Variants in MYO1H observed in about 807,000 individuals in gnomAD.
MYO1H encodes the protein myosin IH, also known as unconventional myosin-Ih.
A neutral mutation model predicts 149.3 loss-of-function variants in MYO1H; 118 were observed. The ratio of observed to expected loss-of-function variants is 0.79; its 90% CI spans 0.68 to 0.92. The LOEUF (loss-of-function observed/expected upper bound fraction) is 0.92. Among genes scored for constraint, MYO1H ranks in the 40% least tolerant of loss-of-function variants. The pLI is 0.00. For missense variants in MYO1H, 1,212 were observed against 1,280.7 expected, an observed-to-expected ratio of 0.95 and a Z score of 0.82; for synonymous variants, 447 against 465.2, an observed-to-expected ratio of 0.96 and a Z score of 0.50.
chr12:109,368,701 G>T (rs1327299736), intron 1 of MYO1H, among the ~76,000 whole-genome samples: 1 of 149,688 alleles, frequency 6.7e-6, no homozygotes, highest in Non-Finnish European at 1.5e-5. Context: ...GATATATTGG[G>T]GTTTTTCCAA....
chr12:109,310,910 A>G, the MYO1H span, among the ~76,000 whole-genome samples: 1 of 152,208 alleles, frequency 6.6e-6, no homozygotes, highest in Non-Finnish European at 1.5e-5. Flanking sequence ...TGTATTTAAA[A>G]TGTGTGTTTT....
intron 5 of MYO1H, among the ~76,000 whole-genome samples, chr12:109,399,749 C>CA (rs1870082282): frequency 1.3e-5 from 2 of 151,716 alleles, no homozygotes; most frequent in Admixed American, 6.6e-5. Context: ...CCCGTCTTTA[C>CA]AAAAAACAAA....
At chr12:109,371,530 C>T (rs1044170047) in intron 1 of MYO1H, among the ~76,000 whole-genome samples, 2 of 152,052 alleles carry the variant, frequency 1.3e-5, no homozygotes, top group African/African-American at 4.8e-5. Flanking sequence ...GTTTTTCTTA[C>T]AAATGGTAGC....
At chr12:109,312,369 C>T in the MYO1H span, among the ~76,000 whole-genome samples, 203 of 149,210 alleles carry the variant, frequency 1.4e-3, 1 homozygote, top group African/African-American at 4.8e-3. Flanking sequence ...CCTGCCACCA[C>T]GCCCAGCTAA....
intron 6 of MYO1H, chr12:109,401,546 A>C: frequency 3.8e-5 from 12 of 316,024 alleles, no homozygotes; most frequent in East Asian, 1.1e-4. Flanking sequence ...AAAAACACAA[A>C]TGCCTGGGCC....
the MYO1H span, among the ~76,000 whole-genome samples, chr12:109,320,229 AC>A: frequency 6.6e-6 from 1 of 152,018 alleles, no homozygotes; most frequent in Non-Finnish European, 1.5e-5. Flanking sequence ...TAGGAGGATC[AC>A]TTGAGCCCAG....
chr12:109,365,976 GTGAAC>G lies in MYO1H; in HGVS notation c.12+18007_12+18011del, dbSNP rs574912752. On this transcript the variant is annotated intron_variant, in intron 1 of 31. Transcript: ENST00000310903. ...CTCTCACAGGATTGTGAAGCCTGTT[GTGAAC>G]TGCACGTGTGAAGGATCTAGGTTGA... is the stretch of plus-strand genomic sequence containing the variant. Among the ~76,000 whole-genome samples the G allele has an allele frequency of 3.3e-4, 50 of 152,296 alleles. No homozygotes were observed. In the South Asian group the frequency reaches 0.01, roughly 31 times the overall value.
intron 5 of MYO1H, among the ~76,000 whole-genome samples, chr12:109,400,543 ATCTT>A (rs1592794236): frequency 6.6e-6 from 1 of 152,330 alleles, no homozygotes; most frequent in East Asian, 1.9e-4. Flanking sequence ...ATTTGCAAGA[ATCTT>A]TATATATTCT....
intron 1 of MYO1H, among the ~76,000 whole-genome samples, chr12:109,378,024 G>A (rs767973901): frequency 9.2e-5 from 14 of 152,100 alleles, no homozygotes; most frequent in South Asian, 2.1e-4. Flanking sequence ...TATGCCATAC[G>A]TTGTGATTAT....
the MYO1H span, among the ~76,000 whole-genome samples, chr12:109,342,541 CTTT>C: frequency 6.0e-5 from 6 of 100,528 alleles, no homozygotes; most frequent in African/African-American, 1.2e-4. Context: ...CTTCAGGAGA[CTTT>C]TTTTTTTTTT....
chr12:109,439,512 T>G (rs190282581), intron 23 of MYO1H, 119 bp from the exon 24 acceptor site: 2 of 585,264 alleles, frequency 3.4e-6, no homozygotes, highest in East Asian at 4.0e-5. Flanking sequence ...CTCTGGCCTA[T>G]GTGGTCATCT....
Position 109,438,617 on chromosome 12 carries a change from G to A in MYO1H, c.2291G>A (p.Arg764Lys), listed in dbSNP as rs561785754. Residue 764 changes from arginine to lysine, a missense_variant, in exon 23 of 32, where the codon AGA becomes AAA. By Grantham distance (26) the Arg-to-Lys change is conservative (BLOSUM62 2). Coordinates refer to ENST00000310903, the Ensembl canonical transcript of MYO1H. ...AGAAAGTGGGCCGTGCGGATTATCA[G>A]AAAGTAAGTTCTCAGGTACAACAGA... The A allele has an allele frequency of 6.2e-6, 10 of 1,610,382 alleles. No individual in the cohort carries two copies. In the African/African-American group the frequency reaches 1.3e-4, roughly 21 times the overall value.
chr12:109,367,885 G>A (rs953291159), intron 1 of MYO1H, among the ~76,000 whole-genome samples: 11 of 152,138 alleles, frequency 7.2e-5, no homozygotes, highest in Admixed American at 2.6e-4. Flanking sequence ...ACAAGGTCTC[G>A]CTTTGTCACC....
At chr12:109,358,724 C>T (rs1868664032) in intron 1 of MYO1H, among the ~76,000 whole-genome samples, 1 of 151,510 alleles carries the variant, frequency 6.6e-6, no homozygotes, top group South Asian at 2.1e-4. Flanking sequence ...AAAAGCGATA[C>T]CATGAGCGTT....
intron 5 of MYO1H, 30 bp from the exon 6 acceptor site, chr12:109,401,063 C>T: frequency 6.2e-7 from 1 of 1,602,034 alleles, no homozygotes; most frequent in Non-Finnish European, 8.5e-7. Flanking sequence ...TGATTGTTGT[C>T]ACTGCTGCAA....
exon 4 of MYO1H, chr12:109,396,500 A>G (rs776971165): frequency 1.4e-5 from 22 of 1,613,928 alleles, no homozygotes; most frequent in Non-Finnish European, 1.9e-5. Flanking sequence ...AAAATTCTCG[A>G]GTATTTTGCA....
chr12:109,357,715 A>C (rs1318556928), intron 1 of MYO1H, among the ~76,000 whole-genome samples: 1 of 100,578 alleles, frequency 9.9e-6, no homozygotes, highest in Non-Finnish European at 1.9e-5. Context: ...TCTCCCAACC[A>C]TTTCTCATGC....
At chr12:109,347,438 G>A (rs542308972), upstream of MYO1H, among the ~76,000 whole-genome samples, 7 of 152,166 alleles carry the variant, frequency 4.6e-5, no homozygotes, top group South Asian at 2.1e-4. Flanking sequence ...CTGAGTCTCC[G>A]TATTATGAAA....
intron 1 of MYO1H, 44 bp from the exon 2 acceptor site, chr12:109,388,638 AT>A: frequency 6.7e-7 from 1 of 1,488,372 alleles, no homozygotes; most frequent in Non-Finnish European, 9.0e-7. Flanking sequence ...TGTAATAGAT[AT>A]TACCAAATAG....
Sources: allele counts gnomAD v4.1 joint callset (sites outside exome capture counted in the v4.1 genomes callset), GRCh38; gene constraint gnomAD v4.1.1; transcripts MANE v1.5; gene names NCBI Gene and HGNC (gene_info 2026-07-23, HGNC 2026-07-21).